PPP1R36: variants seen among roughly 807,000 people sequenced by gnomAD.
PPP1R36 encodes the protein protein phosphatase 1 regulatory subunit 36, also known as chromosome 14 open reading frame 50.
In PPP1R36, 47 loss-of-function variants were observed where a neutral mutation model predicts 53.4. The observed-to-expected ratio is 0.88, with a 90% CI of 0.70 to 1.12. PPP1R36 has a LOEUF of 1.12. Among genes scored for constraint, PPP1R36 ranks in the 50% most tolerant of loss-of-function variants. The pLI is 0.00. For synonymous variants in PPP1R36, 153 were observed against 170.5 expected, an observed-to-expected ratio of 0.90 and a Z score of 0.80; for missense variants, 456 against 513.9, an observed-to-expected ratio of 0.89 and a Z score of 1.09.
chr14:64,556,898 T>C (rs1253344411), intron 3 of PPP1R36, among the ~76,000 whole-genome samples: 1 of 151,998 alleles, frequency 6.6e-6, no homozygotes, highest in Admixed American at 6.6e-5. Context: ...CGGTGCAGCC[T>C]TGACCTCCTG....
chr14:64,576,309 G>C (rs1173241533), intron 8 of PPP1R36, among the ~76,000 whole-genome samples: 1 of 151,742 alleles, frequency 6.6e-6, no homozygotes, highest in African/African-American at 2.4e-5. Flanking sequence ...TCAAACTCCT[G>C]ACCTCAGGTG....
At chr14:64,564,542 T>C (rs1023152913) in intron 3 of PPP1R36, among the ~76,000 whole-genome samples, 3 of 152,194 alleles carry the variant, frequency 2.0e-5, no homozygotes, top group Admixed American at 6.5e-5. Flanking sequence ...ATTCTGGAGA[T>C]TGCTGATGGT....
At chr14:64,567,343 T>C (rs2080267223) in intron 6 of PPP1R36, among the ~76,000 whole-genome samples, 1 of 152,198 alleles carries the variant, frequency 6.6e-6, no homozygotes, top group South Asian at 2.1e-4. Flanking sequence ...GGTAGCAATT[T>C]CACTTCTGTC....
At chr14:64,558,560 C>T (rs1334970300) in intron 3 of PPP1R36, among the ~76,000 whole-genome samples, 1 of 151,924 alleles carries the variant, frequency 6.6e-6, no homozygotes, top group Admixed American at 6.6e-5. Flanking sequence ...GTCTGGGCAA[C>T]AGAGTGAGAC....
At chr14:64,559,769 A>C (rs1333606624) in intron 3 of PPP1R36, among the ~76,000 whole-genome samples, 1 of 152,228 alleles carries the variant, frequency 6.6e-6, no homozygotes, top group African/African-American at 2.4e-5. Context: ...TTTAGATGGC[A>C]CAGGGGAGTC....
chr14:64,581,186 G>A (rs183008291), intron 8 of PPP1R36, among the ~76,000 whole-genome samples: 1 of 152,192 alleles, frequency 6.6e-6, no homozygotes, highest in African/African-American at 2.4e-5. Context: ...ATATTTTGAA[G>A]CGGGGCCTTA....
At chr14:64,556,061 A>C (rs1036363040) in intron 3 of PPP1R36, among the ~76,000 whole-genome samples, 4 of 151,998 alleles carry the variant, frequency 2.6e-5, no homozygotes, top group African/African-American at 9.7e-5. Context: ...TGTTTTCAAC[A>C]TACTGGTTAC....
In PPP1R36 at chr14:64,589,136, A is replaced by G. The variant is rs769371425; in HGVS notation, c.1083-16A>G. 2.5e-6 allele frequency: 4 copies of G among 1,606,592 alleles called. No individual in the cohort carries two copies. The highest frequency in any genetic ancestry group is 1.1e-5 in the South Asian group (1 of 90,006). Reference sequence around the variant, plus strand: ...TGGCCTCATCACTTCAGCTATCCCAATAATTCTTTTCACAGAGTTGGCATC... The same window carrying G: ...TGGCCTCATCACTTCAGCTATCCCAGTAATTCTTTTCACAGAGTTGGCATC... On this transcript the variant is annotated splice_polypyrimidine_tract_variant and intron_variant, in intron 11 of 11. Transcript: ENST00000298705.
chr14:64,561,404 A>C (rs1158165871), intron 3 of PPP1R36, among the ~76,000 whole-genome samples: 2 of 152,230 alleles, frequency 1.3e-5, no homozygotes, highest in African/African-American at 4.8e-5. Context: ...GACTATTAGA[A>C]TACAACAGGA....
At chr14:64,580,356 A>C (rs1488973732) in intron 8 of PPP1R36, among the ~76,000 whole-genome samples, 2 of 152,248 alleles carry the variant, frequency 1.3e-5, no homozygotes, top group Admixed American at 1.3e-4. Flanking sequence ...TTAAAAACAC[A>C]TATACATTGC....
intron 6 of PPP1R36, among the ~76,000 whole-genome samples, chr14:64,567,346 C>T (rs1240835223): frequency 6.6e-6 from 1 of 152,208 alleles, no homozygotes; most frequent in Non-Finnish European, 1.5e-5. Flanking sequence ...AGCAATTTCA[C>T]TTCTGTCTAT....
chr14:64,574,103 A>G lies in PPP1R36; in HGVS notation c.534-352A>G, dbSNP rs371880207. 3.3e-5 allele frequency among the ~76,000 whole-genome samples: 5 copies of G among 151,812 alleles called. No homozygotes were observed. The East Asian group carries it at 7.9e-4, about 24-fold the overall frequency. ...CTTTCAGAATAGTTTATGGCTGGGCACACTGGCTCACGCCTGCCATCCCAA... is the reference window on the plus strand; with the variant it reads ...CTTTCAGAATAGTTTATGGCTGGGCGCACTGGCTCACGCCTGCCATCCCAA... On this transcript the variant is annotated intron_variant, in intron 7 of 11. Transcript: ENST00000298705.
At chr14:64,575,035 G>A (rs1441111865) in intron 8 of PPP1R36, among the ~76,000 whole-genome samples, 1 of 152,132 alleles carries the variant, frequency 6.6e-6, no homozygotes, top group African/African-American at 2.4e-5. Flanking sequence ...GGTTCTTTGT[G>A]GGAAGATCAT....
rs765388267 is a variant in PPP1R36 at position 64,562,974 on chromosome 14, C to G, written c.183-1777C>G. The stretch of plus-strand genomic sequence containing the variant: ...CTCCGCCTCCCGGGTTCAAGCAATT[C>G]TCCTGCCTCAGCCTCCCAGGTAGCT... On this transcript the variant is annotated intron_variant, in intron 3 of 11. Coordinates refer to ENST00000298705, the MANE Select transcript of PPP1R36 (RefSeq NM_172365.3). 9.2e-5 allele frequency among the ~76,000 whole-genome samples: 14 copies of G among 152,126 alleles called. 1 individual carries two copies. Among genetic ancestry groups the G allele is most frequent in the Admixed American group, 3.9e-4 (6 of 15,266 alleles).
chr14:64,562,510 T>C (rs1051945373), intron 3 of PPP1R36, among the ~76,000 whole-genome samples: 2 of 152,128 alleles, frequency 1.3e-5, no homozygotes, highest in Non-Finnish European at 2.9e-5. Context: ...TCCAAATGCA[T>C]TGTGAGCATA....
Position 64,556,601 on chromosome 14 carries a change from A to ATT in PPP1R36, c.182+3760_182+3761dup, listed in dbSNP as rs753994540. Among the ~76,000 whole-genome samples the ATT allele has an allele frequency of 7.3e-3, 896 of 122,840 alleles. 8 individuals are homozygous for ATT. The highest frequency in any genetic ancestry group is 0.02 in the South Asian group (70 of 3,492). The allele number at this position is 122,840 out of a possible 152,430, so 80.6% of individuals were successfully genotyped here. On this transcript the variant is annotated intron_variant, in intron 3 of 11. Transcript: ENST00000298705. ...ACATAGTGAGACTTCTGTTCCCACA[A>ATT]TTTTTTTTTTTTTTTTTTTTTAATT...
chr14:64,564,632 T>A (rs958448856), intron 3 of PPP1R36, 119 bp from the exon 4 acceptor site: 1 of 639,300 alleles, frequency 1.6e-6, no homozygotes, highest in Non-Finnish European at 2.7e-6. Context: ...AATTGAACAC[T>A]GCTGTGTCTC....
At chr14:64,570,203 G>C (rs1363647042) in intron 7 of PPP1R36, among the ~76,000 whole-genome samples, 1 of 152,142 alleles carries the variant, frequency 6.6e-6, no homozygotes, top group African/African-American at 2.4e-5. Flanking sequence ...ATGGATTTTG[G>C]CCGGGCACGG....
intron 8 of PPP1R36, among the ~76,000 whole-genome samples, chr14:64,578,858 A>G (rs549382379): frequency 1.3e-5 from 2 of 152,350 alleles, no homozygotes; most frequent in South Asian, 2.1e-4. Context: ...GAATCAACCT[A>G]AATGCCCAAC....
Sources: allele counts gnomAD v4.1 joint callset (sites outside exome capture counted in the v4.1 genomes callset), GRCh38; gene constraint gnomAD v4.1.1; transcripts MANE v1.5; gene names NCBI Gene and HGNC (gene_info 2026-07-23, HGNC 2026-07-21).